Variants in NTM observed in about 807,000 individuals in gnomAD.
The protein encoded by NTM is IgLON family member 2.
Under a neutral mutation model 42.1 loss-of-function variants are expected in NTM, and 13 were observed. The ratio of observed to expected loss-of-function variants is 0.31; its 90% CI spans 0.20 to 0.49. NTM has a LOEUF of 0.49. Among genes scored for constraint, NTM ranks in the 20% least tolerant of loss-of-function variants. NTM has a pLI of 0.99. For missense variants in NTM, 373 were observed against 452.8 expected (o/e 0.82, Z 1.60); for synonymous variants, 187 against 179.2 (o/e 1.04, Z -0.35).
chr11:131,950,322 G>A (rs910756568), intron 2 of NTM, among the ~76,000 whole-genome samples: 8 of 152,158 alleles, frequency 5.3e-5, no homozygotes, highest in African/African-American at 1.7e-4. Flanking sequence ...CTAATAACAC[G>A]TGGATTCCCT....
chr11:132,100,781 T>A (rs1004315229), intron 2 of NTM, among the ~76,000 whole-genome samples: 1 of 152,174 alleles, frequency 6.6e-6, no homozygotes, highest in Non-Finnish European at 1.5e-5. Flanking sequence ...CACTGAGCTG[T>A]GTTTTGATAT....
intron 1 of NTM, among the ~76,000 whole-genome samples, chr11:131,533,641 G>A (rs1278481944): frequency 6.6e-6 from 1 of 152,200 alleles, no homozygotes; most frequent in Non-Finnish European, 1.5e-5. Context: ...CTGTGAAATG[G>A]GGGCAGGAGT....
At chr11:132,079,285 C>A (rs781504853) in intron 2 of NTM, among the ~76,000 whole-genome samples, 11 of 152,186 alleles carry the variant, frequency 7.2e-5, no homozygotes, top group Admixed American at 5.2e-4. Flanking sequence ...CTCTCATAAT[C>A]CTTATCAGAA....
chr11:132,302,748 T>C lies in NTM; in HGVS notation c.527-4941T>C, dbSNP rs74433025. Among the ~76,000 whole-genome samples the C allele has an allele frequency of 3.7e-4, 57 of 152,274 alleles. No individual in the cohort carries two copies. In the East Asian group the frequency reaches 9.3e-3, roughly 25 times the overall value. ...ACAAGACAGCTACTCAAAAACTTGA[T>C]TACAGTTGCAGGAGCAGTGGATTGG... On this transcript the variant is annotated intron_variant, in intron 4 of 8. Coordinates refer to ENST00000683400, the MANE Select transcript of NTM (RefSeq NM_001352005.2).
At chr11:131,818,897 C>T (rs1398509760) in intron 1 of NTM, among the ~76,000 whole-genome samples, 2 of 152,190 alleles carry the variant, frequency 1.3e-5, no homozygotes, top group East Asian at 3.9e-4. Flanking sequence ...GAACTCAGTA[C>T]CATTTATGCT....
At chr11:131,490,247 A>T (rs557428457) in intron 1 of NTM, among the ~76,000 whole-genome samples, 1 of 152,322 alleles carries the variant, frequency 6.6e-6, no homozygotes, top group African/African-American at 2.4e-5. Flanking sequence ...TGGTGGGGCC[A>T]AACAAACCAT....
intron 1 of NTM, among the ~76,000 whole-genome samples, chr11:131,852,741 A>T (rs1427105605): frequency 6.6e-6 from 1 of 152,144 alleles, no homozygotes; most frequent in Non-Finnish European, 1.5e-5. Flanking sequence ...CGATGGATTT[A>T]TCCATTCACT....
chr11:131,952,421 A>G (rs1171867704), intron 2 of NTM, among the ~76,000 whole-genome samples: 1 of 152,248 alleles, frequency 6.6e-6, no homozygotes, highest in Non-Finnish European at 1.5e-5. Flanking sequence ...ACATGCACGT[A>G]TGTATATATT....
intron 3 of NTM, among the ~76,000 whole-genome samples, chr11:132,161,374 T>A (rs2074238626): frequency 1.4e-5 from 1 of 73,574 alleles, no homozygotes; most frequent in East Asian, 2.8e-4. Flanking sequence ...GAGCAGCTTT[T>A]TTTTTTTTTT....
At chr11:132,157,459 T>C (rs2073426885) in intron 3 of NTM, among the ~76,000 whole-genome samples, 1 of 152,172 alleles carries the variant, frequency 6.6e-6, no homozygotes, top group Non-Finnish European at 1.5e-5. Flanking sequence ...AAGATGATAC[T>C]TTTTGATGTT....
chr11:131,409,634 C>T (rs954275173), intron 1 of NTM, among the ~76,000 whole-genome samples: 14 of 152,096 alleles, frequency 9.2e-5, no homozygotes, highest in East Asian at 3.9e-4. Flanking sequence ...TGCAGCGGCA[C>T]GGGGGCAGGG....
intron 4 of NTM, among the ~76,000 whole-genome samples, chr11:132,290,119 A>G (rs887417402): frequency 6.6e-6 from 1 of 152,192 alleles, no homozygotes; most frequent in Non-Finnish European, 1.5e-5. Flanking sequence ...GAGCTCTCAT[A>G]TATTTCATTT....
At chr11:131,432,839 CTTTTTTTTTTTTTTTTTTTT>C (rs377739708) in intron 1 of NTM, among the ~76,000 whole-genome samples, 9 of 68,690 alleles carry the variant, frequency 1.3e-4, no homozygotes, top group Admixed American at 1.9e-4. Context: ...ATTTAGCATT[CTTTTTTTTTTTTTTTTTTTT>C]TTTTTTTTTT....
intron 2 of NTM, among the ~76,000 whole-genome samples, chr11:132,035,313 T>A (rs905953737): frequency 1.3e-5 from 2 of 152,230 alleles, no homozygotes; most frequent in African/African-American, 4.8e-5. Flanking sequence ...TCAGTTTGTG[T>A]GTCTTTATAT....
At chr11:131,598,922 T>TCCTTC (rs2060211634) in intron 1 of NTM, among the ~76,000 whole-genome samples, 1 of 73,748 alleles carries the variant, frequency 1.4e-5, no homozygotes, top group African/African-American at 3.5e-5. Context: ...CTTCCTTCCT[T>TCCTTC]CTTTCCTTTC....
At chr11:131,404,346 G>C (rs916625749) in intron 1 of NTM, among the ~76,000 whole-genome samples, 21 of 152,148 alleles carry the variant, frequency 1.4e-4, no homozygotes, top group Admixed American at 6.5e-5. Flanking sequence ...TTCTGTCTTT[G>C]TGAAATTGTT....
At chr11:131,748,284 C>T (rs369344781) in intron 1 of NTM, among the ~76,000 whole-genome samples, 3 of 152,186 alleles carry the variant, frequency 2.0e-5, no homozygotes, top group African/African-American at 7.2e-5. Flanking sequence ...ACACTTGCCA[C>T]GCAGTCACCA....
chr11:132,076,256 C>A (rs918676881), intron 2 of NTM, among the ~76,000 whole-genome samples: 1 of 152,148 alleles, frequency 6.6e-6, no homozygotes, highest in Non-Finnish European at 1.5e-5. Flanking sequence ...CTGTGGACTA[C>A]ACTATTACTG....
At chr11:131,994,079 G>A (rs1048350019) in intron 2 of NTM, among the ~76,000 whole-genome samples, 3 of 151,776 alleles carry the variant, frequency 2.0e-5, no homozygotes, top group Non-Finnish European at 2.9e-5. Context: ...AAGGGAGCTC[G>A]TGTCTCTAAA....
Sources: gnomAD v4.1 joint callset for allele counts (sites outside exome capture counted in the v4.1 genomes callset) on GRCh38, gnomAD v4.1.1 for gene constraint, MANE v1.5 for transcripts, NCBI Gene and HGNC (gene_info 2026-07-23, HGNC 2026-07-21) for gene names.